The following NTN1 variants were observed in gnomAD, a reference collection of about 807,000 sequenced individuals.
The protein encoded by NTN1 is netrin 1.
NTN1 carries 11 observed loss-of-function variants against 54.2 expected under a neutral mutation model. That is an observed-to-expected ratio of 0.20 (90% CI 0.13 to 0.34). NTN1 has a LOEUF of 0.34. NTN1 is among the 10% of genes least tolerant of loss of function. The probability of loss-of-function intolerance (pLI) is 1.00; values close to 1 mark genes in which losing one functional copy is unlikely to be tolerated. For synonymous variants in NTN1, 371 were observed against 382.0 expected, an observed-to-expected ratio of 0.97 and a Z score of 0.33; for missense variants, 740 against 893.1, an observed-to-expected ratio of 0.83 and a Z score of 2.18.
At chr17:9,232,450 TAGGACCTCC>T (rs1905845715) in intron 6 of NTN1, among the ~76,000 whole-genome samples, 1 of 152,120 alleles carries the variant, frequency 6.6e-6, no homozygotes, top group Non-Finnish European at 1.5e-5. Context: ...TCTGGCTCTC[TAGGACCTCC>T]AGGACCTAGC....
chr17:9,011,485 A>C, the NTN1 span, among the ~76,000 whole-genome samples: 10 of 152,200 alleles, frequency 6.6e-5, no homozygotes, highest in African/African-American at 1.7e-4. Context: ...GATATGCCAT[A>C]ACAATTTCTC....
chr17:9,005,461 C>T, the NTN1 span, among the ~76,000 whole-genome samples: 2 of 152,018 alleles, frequency 1.3e-5, no homozygotes, highest in Non-Finnish European at 2.9e-5. Flanking sequence ...CACCCTCCCT[C>T]CTCCTCCCCA....
intron 4 of NTN1, 80 bp from the exon 5 acceptor site, chr17:9,182,836 G>T (rs1338919535): frequency 1.3e-4 from 182 of 1,416,374 alleles, no homozygotes; most frequent in Non-Finnish European, 1.6e-4. Flanking sequence ...TCTGTGCTGG[G>T]CTCATTCTAA....
intron 2 of NTN1, among the ~76,000 whole-genome samples, chr17:9,142,611 T>G (rs1485278523): frequency 6.6e-6 from 1 of 150,850 alleles, no homozygotes; most frequent in African/African-American, 2.4e-5. Context: ...AATAGGGAGG[T>G]GGGTGAAAGT....
At chr17:9,011,614 G>A in the NTN1 span, among the ~76,000 whole-genome samples, 7 of 152,118 alleles carry the variant, frequency 4.6e-5, no homozygotes, top group Admixed American at 6.5e-5. Flanking sequence ...TTTTTGAGAC[G>A]GAGCCTGGCT....
intron 5 of NTN1, among the ~76,000 whole-genome samples, chr17:9,203,379 G>GGCT (rs1400993488): frequency 7.2e-5 from 11 of 152,322 alleles, no homozygotes; most frequent in African/African-American, 2.6e-4. Context: ...ACAGATAAGT[G>GGCT]GCTCCAGTTT....
At chr17:9,016,666 C>G (rs553378527), upstream of NTN1, among the ~76,000 whole-genome samples, 59 of 152,326 alleles carry the variant, frequency 3.9e-4, no homozygotes, top group Admixed American at 8.5e-4. Context: ...CCTGGCCTCT[C>G]TGTTTCCTCT....
At chr17:9,033,577 G>C (rs116422034) in intron 2 of NTN1, among the ~76,000 whole-genome samples, 2,331 of 151,962 alleles carry the variant, frequency 0.015, 72 homozygotes, top group African/African-American at 0.053. Context: ...TTTGAGATCA[G>C]ACTGGGCAGC....
At chr17:9,227,719 C>CG (rs1446282288) in intron 6 of NTN1, among the ~76,000 whole-genome samples, 9 of 151,206 alleles carry the variant, frequency 6.0e-5, no homozygotes, top group Non-Finnish European at 1.2e-4. Context: ...CGCACACACA[C>CG]CACACACATC....
intron 5 of NTN1, among the ~76,000 whole-genome samples, chr17:9,210,769 G>A (rs974108466): frequency 5.9e-5 from 9 of 152,032 alleles, no homozygotes; most frequent in African/African-American, 2.2e-4. Flanking sequence ...AGCTGTGCAT[G>A]ATGGCAGGTG....
chr17:9,022,596 G>A lies in NTN1; in HGVS notation c.223G>A (p.Ala75Thr). ...RVSSTCGRPP[A>T]RYCVVSERGE... ...GTCCAGCACCTGCGGCCGGCCCCCG[G>A]CGCGCTACTGCGTGGTGAGCGAGCG... The change falls in exon 2 of 7, where the codon GCG (alanine) becomes ACG (threonine). Residue 75 changes from alanine to threonine, a missense_variant. Ala to Thr is a moderately conservative substitution (Grantham distance 58, BLOSUM62 0). Transcript: ENST00000173229. 1 of 1,546,046 alleles carries A rather than the reference G, an allele frequency of 6.5e-7. No homozygotes were observed. The highest frequency in any genetic ancestry group is 2.4e-5 in the East Asian group (1 of 40,856).
chr17:9,075,346 G>A (rs2092045832), intron 2 of NTN1, among the ~76,000 whole-genome samples: 1 of 152,084 alleles, frequency 6.6e-6, no homozygotes, highest in African/African-American at 2.4e-5. Flanking sequence ...GCTGGGCATG[G>A]CGGTGGGCAC....
intron 2 of NTN1, among the ~76,000 whole-genome samples, chr17:9,124,673 C>T (rs1438450280): frequency 6.6e-6 from 1 of 152,188 alleles, no homozygotes; most frequent in African/African-American, 2.4e-5. Flanking sequence ...TACCTCATGC[C>T]ATGTCATAGA....
chr17:9,133,586 AT>A (rs544456345), intron 2 of NTN1, among the ~76,000 whole-genome samples: 1,926 of 131,024 alleles, frequency 0.015, 17 homozygotes, highest in African/African-American at 0.039. Flanking sequence ...TTCTCATTGA[AT>A]TTTTTTTTTT....
intron 2 of NTN1, among the ~76,000 whole-genome samples, chr17:9,088,781 A>G (rs2092098521): frequency 6.6e-6 from 1 of 152,060 alleles, no homozygotes; most frequent in African/African-American, 2.4e-5. Flanking sequence ...TGCATGGAGG[A>G]CCTCAGGGTT....
intron 5 of NTN1, among the ~76,000 whole-genome samples, chr17:9,193,098 A>G (rs1904512494): frequency 7.1e-6 from 1 of 140,780 alleles, no homozygotes; most frequent in African/African-American, 2.8e-5. Flanking sequence ...AAAAAAAAGA[A>G]AAAGAAAAAA....
At chr17:9,156,995 A>C (rs1037262216) in intron 2 of NTN1, among the ~76,000 whole-genome samples, 1 of 104,384 alleles carries the variant, frequency 9.6e-6, no homozygotes, top group African/African-American at 3.8e-5. Context: ...AACCCCATCC[A>C]TCCGTCCATC....
chr17:9,237,411 T>G (rs1473546100), intron 6 of NTN1, among the ~76,000 whole-genome samples: 7 of 152,206 alleles, frequency 4.6e-5, no homozygotes, highest in African/African-American at 9.7e-5. Flanking sequence ...TAATTATACT[T>G]TAAAGACCCT....
intron 2 of NTN1, among the ~76,000 whole-genome samples, chr17:9,086,169 G>T (rs2092089462): frequency 6.6e-6 from 1 of 152,106 alleles, no homozygotes; most frequent in Non-Finnish European, 1.5e-5. Context: ...GTGGAAGTAG[G>T]TGTAGGGAGA....
Sources: allele counts gnomAD v4.1 joint callset (sites outside exome capture counted in the v4.1 genomes callset), GRCh38; gene constraint gnomAD v4.1.1; transcripts MANE v1.5; gene names NCBI Gene and HGNC (gene_info 2026-07-23, HGNC 2026-07-21).